The following BCAR3 variants were observed in gnomAD, a reference collection of about 807,000 sequenced individuals.
The protein encoded by BCAR3 is breast cancer anti-estrogen resistance protein 3.
In BCAR3, 37 loss-of-function variants were observed where a neutral mutation model predicts 80.1. That is an observed-to-expected ratio of 0.46 (90% confidence interval 0.36 to 0.61). The LOEUF is 0.61. Among genes scored for constraint, BCAR3 ranks in the 20% least tolerant of loss-of-function variants. The pLI is 0.00. For synonymous variants in BCAR3, 389 were observed against 418.9 expected, an observed-to-expected ratio of 0.93 and a Z score of 0.87; for missense variants, 978 against 1,068.2, an observed-to-expected ratio of 0.92 and a Z score of 1.18.
intron 3 of BCAR3, among the ~76,000 whole-genome samples, chr1:93,698,997 CCT>C (rs1198177349): frequency 1.3e-5 from 2 of 152,140 alleles, no homozygotes; most frequent in African/African-American, 2.4e-5. Flanking sequence ...AGTGGAGCAC[CCT>C]CTTAGGCATA....
chr1:93,674,691 C>T lies in BCAR3; in HGVS notation c.240G>A (p.Arg80=). ...CATCCTGGGTCACAGGCGAGTTCTG[C>T]CGTGGGGATTTGGAGTGGGGGAGGG... ...MGTLPHSKSP[R]QNSPVTQDGI... The change falls in exon 2 of 12, where the codon CGG becomes CGA. Residue 80 remains arginine (R), a synonymous_variant. Coordinates refer to ENST00000260502, the MANE Select transcript of BCAR3 (RefSeq NM_003567.4). 6.2e-7 allele frequency: 1 copy of T among 1,613,934 alleles called. No homozygotes were observed. The highest frequency in any genetic ancestry group is 8.5e-7 in the Non-Finnish European group (1 of 1,179,980).
chr1:93,700,165 G>T (rs546390369), intron 3 of BCAR3, among the ~76,000 whole-genome samples: 20 of 152,134 alleles, frequency 1.3e-4, no homozygotes, highest in Non-Finnish European at 2.8e-4. Context: ...TCAAAGTTTA[G>T]ATCCCCCCTA....
intron 2 of BCAR3, among the ~76,000 whole-genome samples, chr1:93,656,576 T>C (rs1278105484): frequency 6.6e-6 from 1 of 152,108 alleles, no homozygotes; most frequent in Non-Finnish European, 1.5e-5. Context: ...ATCGTTATTT[T>C]ATAGCCTGTA....
Position 93,674,829 on chromosome 1 carries a change from G to A in BCAR3, c.102C>T (p.Leu34=), listed in dbSNP as rs754079071. Reference sequence around the variant, plus strand: ...GATAGGCATCTGGGCGATGCTCAGCGAGAGGGGACCTGCTGCTCAGAAGGT... The same window carrying A: ...GATAGGCATCTGGGCGATGCTCAGCAAGAGGGGACCTGCTGCTCAGAAGGT... ...SMDLLSSRSP[L]AEHRPDAYQD... The change falls in exon 2 of 12, where the codon CTC becomes CTT. Residue 34 remains leucine (L), a synonymous_variant. Transcript: ENST00000260502. 2.8e-5 allele frequency: 45 copies of A among 1,604,608 alleles called. No individual in the cohort carries two copies. Among genetic ancestry groups the A allele is most frequent in the Middle Eastern group, 1.7e-4 (1 of 6,036 alleles).
chr1:93,605,875 C>T (rs1338753688), intron 3 of BCAR3, among the ~76,000 whole-genome samples: 1 of 152,180 alleles, frequency 6.6e-6, no homozygotes, highest in African/African-American at 2.4e-5. Context: ...GAAGGAAAAA[C>T]AAGATATGCC....
intron 3 of BCAR3, among the ~76,000 whole-genome samples, chr1:93,703,808 G>A (rs985238571): frequency 1.3e-5 from 2 of 152,166 alleles, no homozygotes; most frequent in Non-Finnish European, 2.9e-5. Flanking sequence ...TGACCTTACT[G>A]TCTGGTTGGG....
In BCAR3 at chr1:93,582,635, T is replaced by C. The variant is rs547694353; in HGVS notation, c.1352A>G (p.Gln451Arg). ...GRGAKLPSCA[Q>R]GSHTELLTAK... ...TGTGAGCAGTTCTGTGTGGCTTCCC[T>C]GGGCACATGAGGGTAGCTTTGCTCC... Residue 451 changes from glutamine (Q) to arginine (R), a missense_variant, in exon 7 of 12, where the codon CAG (glutamine) becomes CGG (arginine). Coordinates refer to ENST00000260502, the MANE Select transcript of BCAR3 (RefSeq NM_003567.4). The C allele has an allele frequency of 1.2e-6, 2 of 1,613,988 alleles. No homozygotes were observed. The highest frequency in any genetic ancestry group is 2.7e-5 in the African/African-American group (2 of 75,000).
chr1:93,836,407 T>A, intron 2 of BCAR3, among the ~76,000 whole-genome samples: 1 of 151,544 alleles, frequency 6.6e-6, no homozygotes, highest in South Asian at 2.1e-4. Flanking sequence ...GGACCTCGTG[T>A]CTTCCATTTA....
At chr1:93,801,648 C>A (rs1245903703) in intron 2 of BCAR3, among the ~76,000 whole-genome samples, 1 of 152,188 alleles carries the variant, frequency 6.6e-6, no homozygotes, top group African/African-American at 2.4e-5. Flanking sequence ...GCTTGGTCTG[C>A]AGCTGTTTGT....
intron 3 of BCAR3, among the ~76,000 whole-genome samples, chr1:93,627,165 T>C (rs1675477153): frequency 6.6e-6 from 1 of 152,182 alleles, no homozygotes; most frequent in Non-Finnish European, 1.5e-5. Context: ...TGAATGTGAG[T>C]TCTGATATTA....
chr1:93,814,734 T>C (rs1210404900), intron 2 of BCAR3, among the ~76,000 whole-genome samples: 1 of 152,240 alleles, frequency 6.6e-6, no homozygotes, highest in Non-Finnish European at 1.5e-5. Flanking sequence ...AGGCTGATGA[T>C]GCCCCTGTGA....
chr1:93,845,502 A>ATCTATATATCTATATCTCATGTTGTCAAG, intron 2 of BCAR3: 3 of 113,826 alleles, frequency 2.6e-5, no homozygotes, highest in Admixed American at 9.5e-5. Flanking sequence ...ATATATATAT[A>ATCTATATATCTATATCTCATGTTGTCAAG]AAACTTTGTT....
rs1571126508 is a variant in BCAR3 at position 93,785,937 on chromosome 1, T to C, written c.-63+59630A>G. ...GGCCGGGCGCGGTGGCTCACGCCTGTAATCCCAGCACTTTGGGAGGCCGAG... is the reference window on the plus strand; with the variant it reads ...GGCCGGGCGCGGTGGCTCACGCCTGCAATCCCAGCACTTTGGGAGGCCGAG... On this transcript the variant is annotated intron_variant, in intron 2 of 13. Transcript: ENST00000370244. Among the ~76,000 whole-genome samples, 4 of 115,418 alleles carry C rather than the reference T, an allele frequency of 3.5e-5. No homozygotes were observed. In the South Asian group the frequency reaches 9.7e-4, roughly 28 times the overall value. 75.7% of individuals were successfully genotyped at this position (115,418 alleles called of 152,430 possible).
chr1:93,826,429 G>T (rs1306342447), intron 2 of BCAR3, among the ~76,000 whole-genome samples: 1 of 152,032 alleles, frequency 6.6e-6, no homozygotes, highest in Non-Finnish European at 1.5e-5. Flanking sequence ...CCTTTCTATG[G>T]GTCTGTCTAC....
intron 2 of BCAR3, among the ~76,000 whole-genome samples, chr1:93,707,660 T>G (rs1649870018): frequency 6.6e-6 from 1 of 152,100 alleles, no homozygotes; most frequent in Non-Finnish European, 1.5e-5. Context: ...TGAGCTGAGA[T>G]CGCACCACTG....
intron 2 of BCAR3, among the ~76,000 whole-genome samples, chr1:93,841,849 G>A (rs1654974212): frequency 6.6e-6 from 1 of 152,206 alleles, no homozygotes. Flanking sequence ...CCAAGGTCAA[G>A]TTTTTGGCAC....
intron 5 of BCAR3, among the ~76,000 whole-genome samples, chr1:93,584,391 C>G (rs1673856684): frequency 6.6e-6 from 1 of 152,168 alleles, no homozygotes; most frequent in Non-Finnish European, 1.5e-5. Context: ...CTGGGCTGTT[C>G]CATCCTGTTG....
chr1:93,594,565 A>T (rs1370314038), intron 3 of BCAR3: 1 of 152,284 alleles, frequency 6.6e-6, no homozygotes, highest in Non-Finnish European at 1.5e-5. Flanking sequence ...CAGGTCTTCT[A>T]GGTGATCTAC....
chr1:93,608,547 C>T (rs780636368), intron 3 of BCAR3, among the ~76,000 whole-genome samples: 10 of 152,226 alleles, frequency 6.6e-5, no homozygotes, highest in Admixed American at 3.9e-4. Flanking sequence ...TGGCCCATCC[C>T]TCTGCAGTCC....
Sources: gnomAD v4.1 joint callset for allele counts (sites outside exome capture counted in the v4.1 genomes callset) on GRCh38, gnomAD v4.1.1 for gene constraint, MANE v1.5 for transcripts, NCBI Gene and HGNC (gene_info 2026-07-23, HGNC 2026-07-21) for gene names.